The following FANCC variants were observed in gnomAD, a reference collection of about 807,000 sequenced individuals.
The protein encoded by FANCC is FA complementation group C, also known as Fanconi anemia group C protein.
A neutral mutation model predicts 71.3 loss-of-function variants in FANCC; 55 were observed. That is an observed-to-expected ratio of 0.77 (90% CI 0.62 to 0.97). The LOEUF (loss-of-function observed/expected upper bound fraction) is 0.97, where lower values mean the gene tolerates loss of function less well. Ranked by LOEUF, FANCC falls within the 50% of genes least tolerant of loss-of-function variation. The probability of loss-of-function intolerance (pLI) is 0.00; values close to 1 mark genes in which losing one functional copy is unlikely to be tolerated. For synonymous variants in FANCC, 275 were observed against 244.9 expected (o/e 1.12, Z -1.15); for missense variants, 678 against 670.9 (o/e 1.01, Z -0.12).
chr9:95,291,649 G>A (rs1588425478), intron 1 of FANCC, among the ~76,000 whole-genome samples: 5 of 152,096 alleles, frequency 3.3e-5, no homozygotes, highest in African/African-American at 1.2e-4. Context: ...TTAAAAGTCC[G>A]TTAAAATTTG....
chr9:95,169,643 T>A (rs141197647), intron 6 of FANCC, among the ~76,000 whole-genome samples: 92 of 152,336 alleles, frequency 6.0e-4, no homozygotes, highest in Non-Finnish European at 1.1e-3. Context: ...ACAGTTGACA[T>A]GAAACAGATT....
rs149618822 is a variant in FANCC, at chr9:95,158,780, C to T, written c.522-8693G>A. On this transcript the variant is annotated intron_variant, in intron 6 of 14. Coordinates refer to ENST00000289081, the MANE Select transcript of FANCC (RefSeq NM_000136.3). The stretch of plus-strand genomic sequence containing the variant: ...TTTAAAAAGTCATATTTCTTGGTCT[C>T]TGCCCGAGGGATGTTGATGCTGCTG... Among the ~76,000 whole-genome samples the T allele has an allele frequency of 5.3e-5, 8 of 152,298 alleles. No homozygotes were observed. The East Asian group carries it at 1.5e-3, about 29-fold the overall frequency.
chr9:95,108,059 T>C (rs1198710253), intron 13 of FANCC, among the ~76,000 whole-genome samples: 4 of 152,236 alleles, frequency 2.6e-5, no homozygotes, highest in South Asian at 2.1e-4. Flanking sequence ...CGTGAACAGC[T>C]ATGTTCCATC....
intron 4 of FANCC, among the ~76,000 whole-genome samples, chr9:95,195,590 T>C (rs1827403101): frequency 6.6e-6 from 1 of 152,224 alleles, no homozygotes; most frequent in African/African-American, 2.4e-5. Context: ...TTATAGCTAT[T>C]CTAGGGCTTG....
intron 3 of FANCC, among the ~76,000 whole-genome samples, chr9:95,247,221 G>A (rs1831040202): frequency 6.6e-6 from 1 of 151,720 alleles, no homozygotes. Flanking sequence ...GCGTGTGTGT[G>A]TGTGTGTGTG....
intron 14 of FANCC, among the ~76,000 whole-genome samples, chr9:95,105,661 C>T (rs2071387268): frequency 6.6e-6 from 1 of 152,198 alleles, no homozygotes; most frequent in Admixed American, 6.5e-5. Flanking sequence ...CCACCCTCTG[C>T]CTTGGGAAAC....
chr9:95,312,265 C>G (rs538974886), intron 1 of FANCC, among the ~76,000 whole-genome samples: 1 of 152,152 alleles, frequency 6.6e-6, no homozygotes, highest in Admixed American at 6.5e-5. Context: ...TGAGGAAGTT[C>G]AGAGCAAAGG....
chr9:95,305,863 T>A (rs1448297380), intron 1 of FANCC, among the ~76,000 whole-genome samples: 1 of 152,204 alleles, frequency 6.6e-6, no homozygotes, highest in Non-Finnish European at 1.5e-5. Context: ...TTAATGACAA[T>A]CCCACTCATC....
rs1021580824 is a variant in FANCC at position 95,184,259 on chromosome 9, C to T, written c.346-12112G>A. Among the ~76,000 whole-genome samples, 64 of 151,958 alleles carry T rather than the reference C, an allele frequency of 4.2e-4. 1 individual carries two copies. Among genetic ancestry groups the T allele is most frequent in the African/African-American group, 1.2e-3 (48 of 41,410 alleles). On this transcript the variant is annotated intron_variant, in intron 4 of 14. Coordinates refer to ENST00000289081, the MANE Select transcript of FANCC (RefSeq NM_000136.3). ...GAATTGTTTACTTAATATCAAAATG[C>T]CCAAACTGACTAAATTACCTGCAAG...
chr9:95,215,193 T>C (rs1178060073), intron 4 of FANCC, among the ~76,000 whole-genome samples: 1 of 152,138 alleles, frequency 6.6e-6, no homozygotes, highest in Admixed American at 6.5e-5. Context: ...TCTGCAGTAA[T>C]AACTAGATAA....
intron 4 of FANCC, among the ~76,000 whole-genome samples, chr9:95,206,948 G>C (rs533810599): frequency 1.3e-5 from 2 of 152,244 alleles, no homozygotes; most frequent in South Asian, 4.1e-4. Context: ...ACCCAGCATA[G>C]GAACTCAGAA....
intron 4 of FANCC, among the ~76,000 whole-genome samples, chr9:95,179,797 A>G (rs1477599906): frequency 6.6e-6 from 1 of 152,268 alleles, no homozygotes; most frequent in Non-Finnish European, 1.5e-5. Flanking sequence ...GTATAGATGA[A>G]GCAGAAATAG....
intron 12 of FANCC, among the ~76,000 whole-genome samples, chr9:95,112,278 G>A (rs2072006443): frequency 6.6e-6 from 1 of 152,234 alleles, no homozygotes; most frequent in South Asian, 2.1e-4. Context: ...CCTTGGAGAG[G>A]ATGGAACAGA....
At chr9:95,164,579 T>C (rs1830953623) in intron 6 of FANCC, among the ~76,000 whole-genome samples, 1 of 152,230 alleles carries the variant, frequency 6.6e-6, no homozygotes, top group Non-Finnish European at 1.5e-5. Flanking sequence ...TGTTCATCAT[T>C]TTATTAATGT....
intron 10 of FANCC, among the ~76,000 whole-genome samples, chr9:95,121,244 T>A (rs1260593918): frequency 1.3e-5 from 2 of 152,172 alleles, no homozygotes; most frequent in Non-Finnish European, 2.9e-5. Context: ...TTAGAAAAAG[T>A]GGCTTGTCAC....
Position 95,101,394 on chromosome 9 carries a change from AGAAACCTGTTCTCCCACCCAG to A in FANCC, c.*292_*312del. On this transcript the variant is annotated 3_prime_UTR_variant, in exon 15 of 15. Coordinates refer to ENST00000289081, the MANE Select transcript of FANCC (RefSeq NM_000136.3). ...GTGCAGCTTGACTTGGGTAAAAACT[AGAAACCTGTTCTCCCACCCAG>A]GCCTTTGCTTTAGTAATTATCAAGC... 2.3e-6 allele frequency: 1 copy of A among 440,398 alleles called. No homozygotes were observed. 27.3% of individuals were successfully genotyped at this position (440,398 alleles called of 1,614,324 possible).
chr9:95,244,453 G>A (rs1258594688), intron 3 of FANCC, among the ~76,000 whole-genome samples: 1 of 152,122 alleles, frequency 6.6e-6, no homozygotes, highest in Non-Finnish European at 1.5e-5. Context: ...GCCGAGGCAG[G>A]CAGATCACAA....
At position 95,149,983 on chromosome 9, in the gene FANCC, C is replaced by T. The variant is rs587778327; in HGVS notation, c.626G>A (p.Arg209His). The T allele has an allele frequency of 3.8e-5, 61 of 1,613,240 alleles. No homozygotes were observed. Among genetic ancestry groups the T allele is most frequent in the South Asian group, 3.7e-4 (34 of 90,792 alleles). The stretch of plus-strand genomic sequence containing the variant: ...TGGCTGGAGGATTTCCTGAGGTTCA[C>T]GTCCATGACAGATGAGGAGAGCCTC... ...LVEALLICHG[R>H]EPQEILQPEF... is the part of the protein sequence containing the mutation. The change falls in exon 7 of 15, where the codon CGT (arginine) becomes CAT (histidine). Residue 209 changes from arginine (R) to histidine (H), a missense_variant. Physicochemically the swap from Arg to His is conservative, Grantham distance 29 (BLOSUM62 0). Coordinates refer to ENST00000289081, the MANE Select transcript of FANCC (RefSeq NM_000136.3).
At position 95,101,249 on chromosome 9, in the gene FANCC, C is replaced by T; in HGVS notation, c.*458G>A. 1 of 290,654 alleles carries T rather than the reference C, an allele frequency of 3.4e-6. No individual in the cohort carries two copies. The highest frequency in any genetic ancestry group is 8.0e-5 in the South Asian group (1 of 12,514). The allele number at this position is 290,654 out of a possible 1,614,324, so 18.0% of individuals were successfully genotyped here. A position where few individuals can be genotyped will look rare whatever the true frequency, so the allele number is the denominator to read the frequency against. Reference sequence around the variant, plus strand: ...TTCTCCATACAGCAAGACAGTGTGGCTTTATCCCAGATCCCTGACTCCTAA... The same window carrying T: ...TTCTCCATACAGCAAGACAGTGTGGTTTTATCCCAGATCCCTGACTCCTAA... On this transcript the variant is annotated 3_prime_UTR_variant, in exon 15 of 15. Transcript: ENST00000289081.
Sources: allele counts gnomAD v4.1 joint callset (sites outside exome capture counted in the v4.1 genomes callset), GRCh38; gene constraint gnomAD v4.1.1; transcripts MANE v1.5; gene names NCBI Gene and HGNC (gene_info 2026-07-23, HGNC 2026-07-21).